The following FYTTD1 variants were observed in gnomAD, a reference collection of about 807,000 sequenced individuals.
FYTTD1 encodes forty-two-three domain containing 1.
In FYTTD1, 22 loss-of-function variants were observed where a neutral mutation model predicts 40.9. The observed-to-expected ratio is 0.54, with a 90% confidence interval of 0.38 to 0.77. The LOEUF (loss-of-function observed/expected upper bound fraction) is 0.77, where lower values mean the gene tolerates loss of function less well. FYTTD1 is among the 30% of genes least tolerant of loss of function. The pLI is 0.00. For synonymous variants in FYTTD1, 140 were observed against 137.9 expected, an observed-to-expected ratio of 1.01 and a Z score of -0.10; for missense variants, 351 against 392.2, an observed-to-expected ratio of 0.90 and a Z score of 0.89.
chr3:197,781,369 A>G (rs1292528659), intron 8 of FYTTD1, among the ~76,000 whole-genome samples: 1 of 151,428 alleles, frequency 6.6e-6, no homozygotes, highest in East Asian at 1.9e-4. Flanking sequence ...TTTTGTTGCT[A>G]TTATTGTTTT....
intron 2 of FYTTD1, among the ~76,000 whole-genome samples, chr3:197,767,539 G>C (rs1293983547): frequency 6.7e-6 from 1 of 149,848 alleles, no homozygotes; most frequent in Non-Finnish European, 1.5e-5. Context: ...GTCTCACTCT[G>C]TTGCAGCCTA....
chr3:197,774,072 A>G (rs1729800381), intron 5 of FYTTD1, 77 bp from the exon 6 acceptor site: 2 of 1,213,636 alleles, frequency 1.6e-6, no homozygotes, highest in Admixed American at 1.7e-5. Context: ...TGGGTTAGGA[A>G]GTTCCAGAGC....
At chr3:197,767,366 C>T (rs1056085561) in intron 2 of FYTTD1, among the ~76,000 whole-genome samples, 1 of 151,072 alleles carries the variant, frequency 6.6e-6, no homozygotes, top group Non-Finnish European at 1.5e-5. Context: ...TCTCGATCTC[C>T]TGACCTTGTG....
intron 2 of FYTTD1, among the ~76,000 whole-genome samples, chr3:197,756,849 T>C (rs1322481516): frequency 6.6e-6 from 1 of 152,208 alleles, no homozygotes; most frequent in East Asian, 1.9e-4. Context: ...TATCATGAGC[T>C]CCTATCTTCA....
Position 197,785,521 on chromosome 3 carries a change from CATT to C in FYTTD1, c.*3617_*3619del, listed in dbSNP as rs1480249749. ...TTTTTATTAGACTAGGTATGTATAT[CATT>C]ATTAATATTTTACTGTAAATAGCTT... On this transcript the variant is annotated 3_prime_UTR_variant, in exon 9 of 9. Transcript: ENST00000241502. The C allele has an allele frequency of 3.3e-5, 5 of 152,142 alleles. No homozygotes were observed. The highest frequency in any genetic ancestry group is 1.3e-4 in the Admixed American group (2 of 15,264). The allele number at this position is 152,142 out of a possible 1,614,324, so 9.4% of individuals were successfully genotyped here.
At chr3:197,773,858 G>C in intron 5 of FYTTD1, among the ~76,000 whole-genome samples, 1 of 146,078 alleles carries the variant, frequency 6.8e-6, no homozygotes, top group Non-Finnish European at 1.5e-5. Context: ...GGGCCCCTCC[G>C]CTGCACTCAC....
intron 1 of FYTTD1, chr3:197,750,966 T>C: frequency 2.1e-6 from 1 of 482,746 alleles, no homozygotes; most frequent in South Asian, 8.8e-5. Context: ...TTAGGTGGGC[T>C]AAAAGTACGA....
intron 1 of FYTTD1, chr3:197,750,530 C>T (rs911145505): frequency 1.4e-5 from 14 of 985,692 alleles, no homozygotes; most frequent in Admixed American, 6.1e-5. Flanking sequence ...GAGAGCCCGG[C>T]CGGGGCTGCG....
At chr3:197,755,621 T>C (rs948680546) in intron 1 of FYTTD1, 2 of 210,944 alleles carry the variant, frequency 9.5e-6, no homozygotes, top group African/African-American at 2.5e-5. Flanking sequence ...AATTTATTTA[T>C]TTATTTATTT....
At chr3:197,753,435 TACC>T (rs978020651) in intron 1 of FYTTD1, among the ~76,000 whole-genome samples, 12 of 152,196 alleles carry the variant, frequency 7.9e-5, no homozygotes, top group Non-Finnish European at 1.6e-4. Flanking sequence ...CTGTAGTACT[TACC>T]ACCACCACTG....
rs762275104 is a variant in FYTTD1 at position 197,774,130 on chromosome 3, G to C, written c.595-19G>C. The C allele has an allele frequency of 6.2e-7, 1 of 1,606,778 alleles. No homozygotes were observed. The highest frequency in any genetic ancestry group is 8.5e-7 in the Non-Finnish European group (1 of 1,173,536). On this transcript the variant is annotated intron_variant, in intron 5 of 8. Coordinates refer to ENST00000241502, the MANE Select transcript of FYTTD1 (RefSeq NM_032288.7). ...TCCTCTGCTTTCTGTGGTACCTACT[G>C]CTTTTTTTTTCCCTTCAGGTGCAGG...
At chr3:197,755,754 C>T in intron 1 of FYTTD1, 1 of 1,531,334 alleles carries the variant, frequency 6.5e-7, no homozygotes, top group South Asian at 1.2e-5. Context: ...TCCCAAAGTG[C>T]TGGGATTATA....
intron 2 of FYTTD1, among the ~76,000 whole-genome samples, chr3:197,762,318 G>A (rs536862758): frequency 2.7e-4 from 39 of 145,486 alleles, no homozygotes; most frequent in African/African-American, 9.6e-4. Context: ...GAGGCCAGGC[G>A]CGGTGCTCAC....
chr3:197,781,835 T>C lies in FYTTD1; in HGVS notation c.883T>C (p.Phe295Leu). 6.2e-7 allele frequency: 1 copy of C among 1,609,964 alleles called. No homozygotes were observed. Among genetic ancestry groups the C allele is most frequent in the Non-Finnish European group, 8.5e-7 (1 of 1,177,394 alleles). ...KQTGMTLNER[F>L]GILKEQRATL... ...GACAGGGATGACGTTGAATGAGCGGTTTGGGATCCTGAAGGAACAAAGAGC... is the reference window on the plus strand; with the variant it reads ...GACAGGGATGACGTTGAATGAGCGGCTTGGGATCCTGAAGGAACAAAGAGC... Residue 295 changes from phenylalanine to leucine, a missense_variant, in exon 9 of 9, where the codon TTT (phenylalanine) becomes CTT (leucine). Coordinates refer to ENST00000241502, the MANE Select transcript of FYTTD1 (RefSeq NM_032288.7).
intron 8 of FYTTD1, among the ~76,000 whole-genome samples, chr3:197,779,069 T>C (rs1443132992): frequency 6.6e-6 from 1 of 152,212 alleles, no homozygotes; most frequent in Non-Finnish European, 1.5e-5. Flanking sequence ...TATTATCTGC[T>C]GTTCGACTAT....
chr3:197,750,570 C>A (rs1580438443), intron 1 of FYTTD1: 2 of 985,320 alleles, frequency 2.0e-6, no homozygotes, highest in Admixed American at 6.1e-5. Flanking sequence ...CCGGAGCTTT[C>A]CCTGGTCGCC....
At chr3:197,774,737 C>T (rs563468060) in intron 6 of FYTTD1, among the ~76,000 whole-genome samples, 3 of 141,194 alleles carry the variant, frequency 2.1e-5, no homozygotes, top group African/African-American at 8.1e-5. Flanking sequence ...ATAGCTCGAT[C>T]GCCAGTGCAC....
At chr3:197,769,683 T>A (rs1300479625) in intron 3 of FYTTD1, among the ~76,000 whole-genome samples, 1 of 152,210 alleles carries the variant, frequency 6.6e-6, no homozygotes, top group Non-Finnish European at 1.5e-5. Flanking sequence ...TTTCTTTTTT[T>A]TTGGCATGCA....
At position 197,781,381 on chromosome 3, in the gene FYTTD1, C is replaced by T. The variant is rs113781764; in HGVS notation, c.859-430C>T. ...TTATTTTGTTGCTATTATTGTTTTC[C>T]AGAAATGGTATAGTTTGTAGATGCT... is the stretch of plus-strand genomic sequence containing the variant. On this transcript the variant is annotated intron_variant, in intron 8 of 8. Coordinates refer to ENST00000241502, the MANE Select transcript of FYTTD1 (RefSeq NM_032288.7). Among the ~76,000 whole-genome samples, 498 of 150,238 alleles carry T rather than the reference C, an allele frequency of 3.3e-3. 2 individuals carry two copies. The highest frequency in any genetic ancestry group is 0.011 in the African/African-American group (435 of 40,922).
Sources: gnomAD v4.1 joint callset for allele counts (sites outside exome capture counted in the v4.1 genomes callset) on GRCh38, gnomAD v4.1.1 for gene constraint, MANE v1.5 for transcripts, NCBI Gene and HGNC (gene_info 2026-07-23, HGNC 2026-07-21) for gene names.